The following OLFM3 variants were observed in gnomAD, a reference collection of about 807,000 sequenced individuals.
OLFM3 encodes noelin-3.
In OLFM3, 20 loss-of-function variants were observed where a neutral mutation model predicts 48.6. That is an observed-to-expected ratio of 0.41 (90% CI 0.29 to 0.60). The LOEUF is 0.60. Among genes scored for constraint, OLFM3 ranks in the 20% least tolerant of loss-of-function variants. The pLI, the probability that OLFM3 is intolerant of heterozygous loss-of-function variation, is 0.28. For synonymous variants in OLFM3, 222 were observed against 198.1 expected, an observed-to-expected ratio of 1.12 and a Z score of -1.01; for missense variants, 437 against 544.3, an observed-to-expected ratio of 0.80 and a Z score of 1.96.
chr1:101,986,074 T>C (rs1217188658), intron 1 of OLFM3, among the ~76,000 whole-genome samples: 1 of 151,414 alleles, frequency 6.6e-6, no homozygotes, highest in Non-Finnish European at 1.5e-5. Context: ...CACGCCATTC[T>C]CCTGCCTCAG....
At position 101,945,163 on chromosome 1, in the gene OLFM3, A is replaced by G. The variant is rs115712430; in HGVS notation, c.69+51585T>C. Among the ~76,000 whole-genome samples the G allele has an allele frequency of 6.8e-3, 1,037 of 152,348 alleles. 13 individuals carry two copies. Among genetic ancestry groups the G allele is most frequent in the African/African-American group, 0.023 (971 of 41,570 alleles). ...TTAGATAGCCATTTCACTTCTAGGT[A>G]TTTATCCAAGAGAAATGAAAGTCCA... On this transcript the variant is annotated intron_variant, in intron 1 of 5. Coordinates refer to ENST00000370103, the MANE Select transcript of OLFM3 (RefSeq NM_058170.4).
In OLFM3 at chr1:101,802,935, A is replaced by G. The variant is rs933570345; in HGVS notation, c.*1303T>C. 5 of 151,670 alleles carry G rather than the reference A, an allele frequency of 3.3e-5. No homozygotes were observed. The highest frequency in any genetic ancestry group is 4.8e-5 in the African/African-American group (2 of 41,368). The allele number at this position is 151,670 out of a possible 1,614,324, so 9.4% of individuals were successfully genotyped here. A position where few individuals can be genotyped will look rare whatever the true frequency, so the allele number is the denominator to read the frequency against. On this transcript the variant is annotated 3_prime_UTR_variant, in exon 6 of 6. Coordinates refer to ENST00000370103, the MANE Select transcript of OLFM3 (RefSeq NM_058170.4). ...GTTAGCTTATATGTTTCATAGAGTT[A>G]TTAACATAAGTATTATTAAAGCTCT...
At chr1:101,876,585 G>C (rs1175232402) in intron 1 of OLFM3, among the ~76,000 whole-genome samples, 1 of 151,872 alleles carries the variant, frequency 6.6e-6, no homozygotes, top group African/African-American at 2.4e-5. Context: ...ATTTAAGCCT[G>C]ACCAAAATAA....
intron 1 of OLFM3, among the ~76,000 whole-genome samples, chr1:101,933,309 A>C (rs577140791): frequency 8.5e-5 from 13 of 152,064 alleles, no homozygotes; most frequent in African/African-American, 2.6e-4. Context: ...CAATAATTTC[A>C]GAATACGATC....
intron 1 of OLFM3, among the ~76,000 whole-genome samples, chr1:101,853,794 C>T (rs531693263): frequency 7.6e-4 from 115 of 152,146 alleles, no homozygotes; most frequent in Non-Finnish European, 1.5e-3. Flanking sequence ...TGGACCTATA[C>T]GTGGGTAATG....
chr1:101,950,737 C>T (rs527350634), intron 1 of OLFM3, among the ~76,000 whole-genome samples: 42 of 152,142 alleles, frequency 2.8e-4, no homozygotes, highest in Admixed American at 9.8e-4. Context: ...AGCCATTGCG[C>T]GCGGCCTTGT....
At chr1:101,905,578 C>T (rs1275207611) in intron 1 of OLFM3, among the ~76,000 whole-genome samples, 1 of 152,048 alleles carries the variant, frequency 6.6e-6, no homozygotes, top group Non-Finnish European at 1.5e-5. Context: ...GTAAATTTCT[C>T]AGTGGGGAGT....
intron 2 of OLFM3, among the ~76,000 whole-genome samples, chr1:101,833,233 A>G (rs12023497): frequency 0.047 from 7,121 of 152,306 alleles, 457 homozygotes; most frequent in East Asian, 0.3. Context: ...GCACTGAGAT[A>G]ATTTTTGCTA....
At chr1:101,859,285 T>C (rs1011097150) in intron 1 of OLFM3, among the ~76,000 whole-genome samples, 11 of 152,082 alleles carry the variant, frequency 7.2e-5, no homozygotes, top group Admixed American at 3.3e-4. Flanking sequence ...TTTAGAGGAA[T>C]ATCATTCAGA....
chr1:101,830,593 T>A (rs1369329948), intron 3 of OLFM3, 79 bp downstream of exon 3: 1 of 1,482,722 alleles, frequency 6.7e-7, no homozygotes, highest in African/African-American at 1.4e-5. Context: ...GCACATTCAT[T>A]TCTAGCTGAG....
At chr1:101,811,648 C>T (rs1654056550) in intron 4 of OLFM3, among the ~76,000 whole-genome samples, 1 of 152,172 alleles carries the variant, frequency 6.6e-6, no homozygotes, top group African/African-American at 2.4e-5. Flanking sequence ...TACTATCTCA[C>T]AGCAGTTAGA....
chr1:101,804,492 C>T lies in OLFM3; in HGVS notation c.1123G>A (p.Gly375Arg), dbSNP rs1433286598. Residue 375 changes from glycine to arginine, a missense_variant, in exon 6 of 6, where the codon GGG becomes AGG. Coordinates refer to ENST00000370103, the MANE Select transcript of OLFM3 (RefSeq NM_058170.4). This position sits in a 1 kb window ranked among gnomAD's most constrained non-coding sequence, Gnocchi z 4.5. ...WSTGYPKRSA[G>R]ESFMICGTLY... is the part of the protein sequence containing the mutation. ...GTCCCACAGATCATGAAAGATTCCCCTGCACTTCTCTTGGGGTAGCCAGTG... is the reference window on the plus strand; with the variant it reads ...GTCCCACAGATCATGAAAGATTCCCTTGCACTTCTCTTGGGGTAGCCAGTG... 1 of 1,612,646 alleles carries T rather than the reference C, an allele frequency of 6.2e-7. No homozygotes were observed. The highest frequency in any genetic ancestry group is 8.5e-7 in the Non-Finnish European group (1 of 1,179,104).
chr1:101,912,836 A>T (rs545185497), intron 1 of OLFM3, among the ~76,000 whole-genome samples: 4 of 152,198 alleles, frequency 2.6e-5, no homozygotes, highest in Non-Finnish European at 5.9e-5. Flanking sequence ...TTTAATGGTA[A>T]AAAGGGCTAG....
chr1:101,811,376 A>G (rs1654042048), intron 4 of OLFM3, among the ~76,000 whole-genome samples: 1 of 152,182 alleles, frequency 6.6e-6, no homozygotes, highest in African/African-American at 2.4e-5. Context: ...GCACAGCAAA[A>G]GAAACTACCA....
At chr1:101,822,777 T>C (rs935759474) in intron 4 of OLFM3, among the ~76,000 whole-genome samples, 2 of 152,072 alleles carry the variant, frequency 1.3e-5, no homozygotes, top group Non-Finnish European at 2.9e-5. Context: ...TTTCTTAATA[T>C]AAAAAGAATC....
intron 1 of OLFM3, among the ~76,000 whole-genome samples, chr1:101,849,368 T>G (rs1656135602): frequency 6.6e-6 from 1 of 152,150 alleles, no homozygotes; most frequent in Admixed American, 6.5e-5. Flanking sequence ...AGCAACCCAG[T>G]AGTTGCAGAA....
chr1:101,855,980 A>G (rs1656395244), intron 1 of OLFM3, among the ~76,000 whole-genome samples: 1 of 151,580 alleles, frequency 6.6e-6, no homozygotes, highest in Admixed American at 6.6e-5. Flanking sequence ...TGTATGTTTA[A>G]CAGGTACCAA....
chr1:101,938,272 A>C (rs1456406695), intron 1 of OLFM3, among the ~76,000 whole-genome samples: 2 of 152,164 alleles, frequency 1.3e-5, no homozygotes, highest in Admixed American at 6.5e-5. Context: ...CTATTTGTGC[A>C]ATCTTTTACA....
intron 4 of OLFM3, among the ~76,000 whole-genome samples, chr1:101,815,905 A>G (rs1654315337): frequency 6.6e-6 from 1 of 152,244 alleles, no homozygotes; most frequent in East Asian, 1.9e-4. Context: ...GAGGGAAGGC[A>G]TACACAGAAA....
Sources: gnomAD v4.1 joint callset for allele counts (sites outside exome capture counted in the v4.1 genomes callset) on GRCh38, gnomAD v4.1.1 for gene constraint, Gnocchi (gnomAD v3.1) non-coding constraint, MANE v1.5 for transcripts, NCBI Gene and HGNC (gene_info 2026-07-23, HGNC 2026-07-21) for gene names.